Variants in CTNNA2 observed in about 807,000 individuals in gnomAD.
CTNNA2 encodes the protein catenin alpha 2.
In CTNNA2, 42 loss-of-function variants were observed where a neutral mutation model predicts 101.0. The ratio of observed to expected loss-of-function variants is 0.42; its 90% CI spans 0.32 to 0.54. CTNNA2 has a LOEUF of 0.54. CTNNA2 is among the 20% of genes least tolerant of loss of function. CTNNA2 has a pLI of 0.14. For synonymous variants in CTNNA2, 450 were observed against 456.4 expected, an observed-to-expected ratio of 0.99 and a Z score of 0.18; for missense variants, 871 against 1,223.1, an observed-to-expected ratio of 0.71 and a Z score of 4.29.
intron 4 of CTNNA2, among the ~76,000 whole-genome samples, chr2:79,473,882 G>A (rs1671026073): frequency 6.6e-6 from 1 of 152,086 alleles, no homozygotes; most frequent in African/African-American, 2.4e-5. Flanking sequence ...TTCTAAAGCA[G>A]CTTTGTCCAA....
At chr2:79,514,082 A>C (rs891353529) in intron 1 of CTNNA2, among the ~76,000 whole-genome samples, 1 of 152,184 alleles carries the variant, frequency 6.6e-6, no homozygotes, top group African/African-American at 2.4e-5. Flanking sequence ...TACCTACTTC[A>C]AAGGCAGAAA....
chr2:79,209,627 G>C (rs1470108607), intron 2 of CTNNA2, among the ~76,000 whole-genome samples: 2 of 152,092 alleles, frequency 1.3e-5, no homozygotes, highest in African/African-American at 4.8e-5. Context: ...ACAATACTGG[G>C]ACCAGAAATA....
chr2:80,103,039 T>TGAGCTCCCCACAGAG (rs1484145562), intron 7 of CTNNA2, among the ~76,000 whole-genome samples: 3 of 152,142 alleles, frequency 2.0e-5, no homozygotes, highest in Non-Finnish European at 4.4e-5. Flanking sequence ...CTCCTGCTCA[T>TGAGCTCCCCACAGAG]ATGTGGGGGC....
intron 7 of CTNNA2, among the ~76,000 whole-genome samples, chr2:80,099,769 A>AG (rs1455508333): frequency 6.6e-6 from 1 of 151,766 alleles, no homozygotes; most frequent in Non-Finnish European, 1.5e-5. Flanking sequence ...AAAAAAAAAA[A>AG]ACATTTATCA....
intron 7 of CTNNA2, among the ~76,000 whole-genome samples, chr2:80,297,196 G>A (rs945839192): frequency 1.3e-5 from 2 of 152,198 alleles, no homozygotes; most frequent in African/African-American, 4.8e-5. Flanking sequence ...TGTTGAGCAT[G>A]TATCCTGTTC....
At chr2:80,191,400 G>A (rs776623373) in intron 7 of CTNNA2, among the ~76,000 whole-genome samples, 1 of 152,134 alleles carries the variant, frequency 6.6e-6, no homozygotes. Context: ...AGTACTTGCT[G>A]TGTGCCAGAA....
chr2:79,288,707 G>A (rs1419462583), intron 2 of CTNNA2, among the ~76,000 whole-genome samples: 3 of 152,174 alleles, frequency 2.0e-5, no homozygotes, highest in Non-Finnish European at 4.4e-5. Context: ...AGAGAAATTA[G>A]AGGTTGCCAG....
intron 7 of CTNNA2, among the ~76,000 whole-genome samples, chr2:80,383,930 A>G (rs1278019325): frequency 1.3e-5 from 2 of 152,186 alleles, no homozygotes; most frequent in Non-Finnish European, 2.9e-5. Flanking sequence ...ATGACCATCA[A>G]CGGTAGAATG....
chr2:79,244,116 C>T (rs1045326042), intron 2 of CTNNA2, among the ~76,000 whole-genome samples: 4 of 152,148 alleles, frequency 2.6e-5, no homozygotes, highest in African/African-American at 9.7e-5. Context: ...CTCACCTACT[C>T]TGGGCCTCAT....
chr2:80,352,794 G>T (rs1673429503), intron 7 of CTNNA2, among the ~76,000 whole-genome samples: 1 of 151,916 alleles, frequency 6.6e-6, no homozygotes, highest in Non-Finnish European at 1.5e-5. Context: ...TAAGACAAAT[G>T]TATCTTCAGT....
rs765335647 is a variant in CTNNA2, at chr2:80,302,934, C to T, written c.1057-90277C>T. The T allele has an allele frequency of 3.1e-6, 5 of 1,613,504 alleles. No homozygotes were observed. Among genetic ancestry groups the T allele is most frequent in the South Asian group, 2.2e-5 (2 of 91,040 alleles). On this transcript the variant is annotated intron_variant, in intron 7 of 18. Transcript: ENST00000402739. The surrounding 1 kb of genome is among the most constrained non-coding windows in gnomAD (Gnocchi z 6.4). Reference sequence around the variant, plus strand: ...TTCCAAGAGTTGAGGATCCGGGGCTCGATGTAGGTGAGGCGGTTGGAGTCC... The same window carrying T: ...TTCCAAGAGTTGAGGATCCGGGGCTTGATGTAGGTGAGGCGGTTGGAGTCC...
intron 2 of CTNNA2, among the ~76,000 whole-genome samples, chr2:79,251,770 C>A (rs566844182): frequency 6.6e-6 from 1 of 152,214 alleles, no homozygotes; most frequent in South Asian, 2.1e-4. Flanking sequence ...TGGCTGACAC[C>A]CTGGTGGCAG....
At chr2:79,823,147 A>G (rs1327451735) in intron 3 of CTNNA2, among the ~76,000 whole-genome samples, 8 of 152,144 alleles carry the variant, frequency 5.3e-5, no homozygotes, top group African/African-American at 1.9e-4. Flanking sequence ...ACTTTTCATT[A>G]GTTTTATTTG....
intron 7 of CTNNA2, among the ~76,000 whole-genome samples, chr2:80,230,195 C>A (rs992729022): frequency 1.5e-4 from 23 of 151,812 alleles, no homozygotes; most frequent in Non-Finnish European, 2.6e-4. Flanking sequence ...AGAACTTATT[C>A]CCCATTGTTA....
intron 3 of CTNNA2, among the ~76,000 whole-genome samples, chr2:79,845,544 G>C (rs1680167745): frequency 6.6e-6 from 1 of 152,124 alleles, no homozygotes; most frequent in Admixed American, 6.5e-5. Context: ...ATGTCAGGCT[G>C]TCGGAACATT....
At chr2:79,385,877 G>A (rs1443861432) in intron 4 of CTNNA2, among the ~76,000 whole-genome samples, 1 of 152,032 alleles carries the variant, frequency 6.6e-6, no homozygotes, top group East Asian at 1.9e-4. Context: ...TCTTTTTTAT[G>A]GCTACATAGT....
At chr2:80,281,699 C>T (rs1674394253) in intron 7 of CTNNA2, among the ~76,000 whole-genome samples, 1 of 151,876 alleles carries the variant, frequency 6.6e-6, no homozygotes, top group Non-Finnish European at 1.5e-5. Flanking sequence ...AACAAATCAA[C>T]ACTATGAATT....
intron 4 of CTNNA2, among the ~76,000 whole-genome samples, chr2:79,444,597 C>A (rs1376641568): frequency 6.6e-6 from 1 of 152,068 alleles, no homozygotes; most frequent in African/African-American, 2.4e-5. Context: ...CCACCCTATC[C>A]CCTATCTTAT....
intron 7 of CTNNA2, among the ~76,000 whole-genome samples, chr2:80,212,386 T>C (rs1170802746): frequency 6.6e-6 from 1 of 152,148 alleles, no homozygotes; most frequent in Admixed American, 6.6e-5. Context: ...TTTTGAGATA[T>C]GTCCCATCAA....
Sources: gnomAD v4.1 joint callset for allele counts (sites outside exome capture counted in the v4.1 genomes callset) on GRCh38, gnomAD v4.1.1 for gene constraint, Gnocchi (gnomAD v3.1) non-coding constraint, MANE v1.5 for transcripts, NCBI Gene and HGNC (gene_info 2026-07-23, HGNC 2026-07-21) for gene names.